Variants in ARFGEF2 observed in about 807,000 individuals in gnomAD.
ARFGEF2 encodes brefeldin A-inhibited guanine nucleotide-exchange protein 2.
ARFGEF2 carries 74 observed loss-of-function variants against 219.9 expected under a neutral mutation model. The observed-to-expected ratio is 0.34, with a 90% CI of 0.28 to 0.41. The LOEUF is 0.41. ARFGEF2 is among the 10% of genes least tolerant of loss of function. The probability of loss-of-function intolerance (pLI) is 1.00; values close to 1 mark genes in which losing one functional copy is unlikely to be tolerated. For missense variants in ARFGEF2, 1,743 were observed against 2,218.3 expected, an observed-to-expected ratio of 0.79 and a Z score of 4.30; for synonymous variants, 733 against 799.2, an observed-to-expected ratio of 0.92 and a Z score of 1.40.
intron 10 of ARFGEF2, among the ~76,000 whole-genome samples, chr20:48,971,926 A>T (rs988448558): frequency 5.9e-5 from 9 of 151,946 alleles, no homozygotes; most frequent in Non-Finnish European, 1.3e-4. Context: ...CTGCCCCCGG[A>T]TCTTATGTGC....
Position 49,010,317 on chromosome 20 carries a change from A to G in ARFGEF2, c.3670A>G (p.Asn1224Asp). ...QAANIRSGWKNIFAVFHQAAS... is the reference protein window; with the variant it reads ...QAANIRSGWKDIFAVFHQAAS... ...GGCCAACATCCGCTCAGGTTGGAAG[A>G]ACATCTTTGCCGTGTTCCACCAGGC... Residue 1224 changes from asparagine to aspartate, a missense_variant, in exon 27 of 39, where the codon AAC (asparagine) becomes GAC (aspartate). Physicochemically the swap from Asn to Asp is conservative, Grantham distance 23 (BLOSUM62 1). Transcript: ENST00000371917. The G allele has an allele frequency of 6.2e-7, 1 of 1,614,120 alleles. No individual in the cohort carries two copies. The highest frequency in any genetic ancestry group is 8.5e-7 in the Non-Finnish European group (1 of 1,179,978).
chr20:49,020,486 C>T (rs867825706), intron 34 of ARFGEF2, among the ~76,000 whole-genome samples: 23 of 152,310 alleles, frequency 1.5e-4, no homozygotes, highest in South Asian at 4.1e-4. Context: ...TACTCTGTCT[C>T]CCAAGCTGGA....
At chr20:48,994,300 CTCTT>C in intron 21 of ARFGEF2, 147 bp from the exon 22 acceptor site, 2 of 920,816 alleles carry the variant, frequency 2.2e-6, no homozygotes, top group South Asian at 2.8e-5. Flanking sequence ...TGCTTTTTCT[CTCTT>C]TATTGAGAGC....
At chr20:49,023,024 A>G (rs1344248676) in intron 34 of ARFGEF2, 27 bp from the exon 35 acceptor site, 1 of 1,613,780 alleles carries the variant, frequency 6.2e-7, no homozygotes, top group Non-Finnish European at 8.5e-7. Context: ...AATCATTATT[A>G]GGGTTAATCT....
chr20:48,981,517 A>G (rs950391383), intron 14 of ARFGEF2, among the ~76,000 whole-genome samples: 1 of 152,128 alleles, frequency 6.6e-6, no homozygotes, highest in Non-Finnish European at 1.5e-5. Context: ...CCTGAATTTG[A>G]AAGTTGGCCT....
chr20:49,010,113 TGTG>T, intron 26 of ARFGEF2, 116 bp from the exon 27 acceptor site: 1 of 1,268,812 alleles, frequency 7.9e-7, no homozygotes. Flanking sequence ...AGAGCCCAAA[TGTG>T]GATTGCTGTG....
chr20:49,004,726 A>C (rs2091447374), intron 25 of ARFGEF2, among the ~76,000 whole-genome samples: 1 of 151,956 alleles, frequency 6.6e-6, no homozygotes, highest in African/African-American at 2.4e-5. Flanking sequence ...GGGGAGATGG[A>C]GGTTGCAGTG....
In ARFGEF2 at chr20:48,972,375, C is replaced by T. The variant is rs1367064251; in HGVS notation, c.1475C>T (p.Ser492Phe). The T allele has an allele frequency of 6.2e-7, 1 of 1,614,040 alleles. No individual in the cohort carries two copies. Among genetic ancestry groups the T allele is most frequent in the Non-Finnish European group, 8.5e-7 (1 of 1,180,004 alleles). The change falls in exon 11 of 39, where the codon TCT becomes TTT. Residue 492 changes from serine to phenylalanine, a missense_variant. Transcript: ENST00000371917. ...FLNILETSTS[S>F]FEHRWMVIQT... ...AACATTTTAGAAACATCAACAAGTTCTTTTGAGCACAGGTGGATGGTCATT... is the reference window on the plus strand; with the variant it reads ...AACATTTTAGAAACATCAACAAGTTTTTTTGAGCACAGGTGGATGGTCATT...
In ARFGEF2 at chr20:49,033,054, A is replaced by G; in HGVS notation, c.5213A>G (p.Tyr1738Cys). The change falls in exon 39 of 39, where the codon TAC (tyrosine) becomes TGC (cysteine). Residue 1738 changes from tyrosine (Y) to cysteine (C), a missense_variant. Physicochemically the swap from Tyr to Cys is radical, Grantham distance 194. Around this residue, in one of 5 missense-constraint regions of ARFGEF2, gnomAD observed 578 missense variants for 664.0 expected, o/e 0.87. Transcript: ENST00000371917. ...FKAHASMYYP[Y>C]LCEIMQFDLI... is the part of the protein sequence containing the mutation. ...GCACATGCTTCAATGTACTACCCCT[A>G]CTTGTGTGAAATTATGCAGTTTGAC... 2 of 1,613,740 alleles carry G rather than the reference A, an allele frequency of 1.2e-6. No homozygotes were observed. The highest frequency in any genetic ancestry group is 1.7e-6 in the Non-Finnish European group (2 of 1,179,982).
rs769569255 is a variant in ARFGEF2 at position 49,025,357 on chromosome 20, G to T, written c.4800G>T (p.Gln1600His). ...ATATCCACATAGAGACGGAGGATCAGGGCATGTATAAGTACATGTCTTCCC... is the reference window on the plus strand; with the variant it reads ...ATATCCACATAGAGACGGAGGATCATGGCATGTATAAGTACATGTCTTCCC... Reference protein sequence around the residue: ...DADIHIETEDQGMYKYMSSQH... With the variant: ...DADIHIETEDHGMYKYMSSQH... The change falls in exon 36 of 39, where the codon CAG becomes CAT. Residue 1600 changes from glutamine to histidine, a missense_variant. This residue lies in a region of ARFGEF2 where 578 missense variants were observed against 664.0 expected (regional missense o/e 0.87). Transcript: ENST00000371917. 1 of 1,613,894 alleles carries T rather than the reference G, an allele frequency of 6.2e-7. No individual in the cohort carries two copies. The highest frequency in any genetic ancestry group is 2.2e-5 in the East Asian group (1 of 44,880).
At chr20:49,031,903 GCAAGACCC>G in intron 37 of ARFGEF2, 138 bp from the exon 38 acceptor site, 4 of 718,448 alleles carry the variant, frequency 5.6e-6, no homozygotes, top group Non-Finnish European at 9.7e-6. Flanking sequence ...GGGCCGCAGA[GCAAGACCC>G]TGTCTCAAAA....
rs577269540 is a variant in ARFGEF2, at chr20:49,005,535, G to A, written c.3584+314G>A. Among the ~76,000 whole-genome samples the A allele has an allele frequency of 4.3e-4, 65 of 151,756 alleles. 1 individual carries two copies. The South Asian group carries it at 0.011, about 27-fold the overall frequency. On this transcript the variant is annotated intron_variant, in intron 26 of 38. Transcript: ENST00000371917. ...GGGTGGATCACGAGGTCAGGAGATC[G>A]AGACCATCCTGGCTAACACGGTGAA...
chr20:48,997,982 C>G (rs2091402354), intron 23 of ARFGEF2: 2 of 549,508 alleles, frequency 3.6e-6, no homozygotes, highest in Non-Finnish European at 6.6e-6. Context: ...TTCAGCCTCC[C>G]AAGTAGCTGG....
At chr20:48,925,429 CTTATT>C (rs1369800375) in intron 1 of ARFGEF2, among the ~76,000 whole-genome samples, 1 of 152,138 alleles carries the variant, frequency 6.6e-6, no homozygotes, top group Non-Finnish European at 1.5e-5. Context: ...TTATAATTGT[CTTATT>C]TAAGACTCAT....
At chr20:48,949,851 C>T (rs1600601083) in intron 3 of ARFGEF2, among the ~76,000 whole-genome samples, 1 of 152,254 alleles carries the variant, frequency 6.6e-6, no homozygotes, top group South Asian at 2.1e-4. Context: ...TAGGAGTCTT[C>T]ACCAAGTCAC....
chr20:48,971,517 G>T (rs1478996782), intron 10 of ARFGEF2, among the ~76,000 whole-genome samples, 163 bp downstream of exon 10: 2 of 152,118 alleles, frequency 1.3e-5, no homozygotes, highest in Non-Finnish European at 2.9e-5. Context: ...AAGTGGGCAG[G>T]GGCAGGGAGG....
At chr20:48,977,106 T>C (rs1358916178) in intron 14 of ARFGEF2, among the ~76,000 whole-genome samples, 1 of 152,110 alleles carries the variant, frequency 6.6e-6, no homozygotes, top group Non-Finnish European at 1.5e-5. Context: ...TAGGTATTAC[T>C]CCTAATGCTA....
At chr20:48,937,205 G>A (rs2090963942) in intron 1 of ARFGEF2, among the ~76,000 whole-genome samples, 1 of 152,206 alleles carries the variant, frequency 6.6e-6, no homozygotes. Flanking sequence ...GTAACTTCCT[G>A]ATTGGTTTCC....
intron 25 of ARFGEF2, 69 bp from the exon 26 acceptor site, chr20:49,005,001 C>T: frequency 2.6e-6 from 4 of 1,562,926 alleles, no homozygotes; most frequent in Non-Finnish European, 3.5e-6. Flanking sequence ...TCCATCTTTG[C>T]TGTTGAGAGA....
Sources: gnomAD v4.1 joint callset for allele counts (sites outside exome capture counted in the v4.1 genomes callset) on GRCh38, gnomAD v4.1.1 for gene constraint, gnomAD v4.1.1 regional missense constraint, MANE v1.5 for transcripts, NCBI Gene and HGNC (gene_info 2026-07-23, HGNC 2026-07-21) for gene names.